Variants in SMYD3 observed in about 807,000 individuals in gnomAD.
The protein encoded by SMYD3 is histone-lysine N-methyltransferase SMYD3.
A neutral mutation model predicts 57.7 loss-of-function variants in SMYD3; 36 were observed. The ratio of observed to expected loss-of-function variants is 0.62; its 90% confidence interval spans 0.48 to 0.82. SMYD3 has a LOEUF of 0.82. SMYD3 is among the 40% of genes least tolerant of loss of function. The pLI, the probability that SMYD3 is intolerant of heterozygous loss-of-function variation, is 0.00. For synonymous variants in SMYD3, 211 were observed against 195.0 expected, an observed-to-expected ratio of 1.08 and a Z score of -0.68; for missense variants, 515 against 538.8, an observed-to-expected ratio of 0.96 and a Z score of 0.44.
At chr1:245,908,930 C>T (rs1298448897) in intron 8 of SMYD3, among the ~76,000 whole-genome samples, 1 of 151,980 alleles carries the variant, frequency 6.6e-6, no homozygotes, top group Non-Finnish European at 1.5e-5. Context: ...AATAAACCAA[C>T]ATCAAAATTA....
chr1:246,298,895 A>T (rs1287926131), intron 5 of SMYD3, among the ~76,000 whole-genome samples: 1 of 152,136 alleles, frequency 6.6e-6, no homozygotes, highest in African/African-American at 2.4e-5. Context: ...TGAAAATGAA[A>T]ATTACAAAGA....
At position 246,187,207 on chromosome 1, in the gene SMYD3, T is replaced by G. The variant is rs543744290; in HGVS notation, c.531+139994A>C. Among the ~76,000 whole-genome samples the G allele has an allele frequency of 2.0e-5, 3 of 150,550 alleles. No homozygotes were observed. In the South Asian group the frequency reaches 6.2e-4, roughly 31 times the overall value. On this transcript the variant is annotated intron_variant, in intron 5 of 11. Coordinates refer to ENST00000490107, the MANE Select transcript of SMYD3 (RefSeq NM_001167740.2). ...GGGAGGCTGAGGCAGGAGAATGGTG[T>G]GAACCCGGAGGCAGAGCCTGCATTG...
At chr1:246,425,942 G>A (rs1190420588) in intron 1 of SMYD3, 1 of 152,092 alleles carries the variant, frequency 6.6e-6, no homozygotes, top group Non-Finnish European at 1.5e-5. Context: ...TAATTGCTGA[G>A]TATTTTATCT....
chr1:246,318,931 A>G (rs1372438610), intron 5 of SMYD3, among the ~76,000 whole-genome samples: 1 of 152,250 alleles, frequency 6.6e-6, no homozygotes, highest in East Asian at 1.9e-4. Flanking sequence ...TTATTAACAC[A>G]TAAGTGAAAA....
intron 5 of SMYD3, among the ~76,000 whole-genome samples, chr1:245,999,848 A>G (rs2059005113): frequency 6.6e-6 from 1 of 152,204 alleles, no homozygotes; most frequent in Non-Finnish European, 1.5e-5. Flanking sequence ...AGGTTATAAA[A>G]TCTGCTTTAA....
chr1:246,507,004 GCACCC>G, intron 1 of SMYD3, 45 bp downstream of exon 1: 3 of 915,962 alleles, frequency 3.3e-6, no homozygotes, highest in Non-Finnish European at 2.9e-6. Flanking sequence ...CCCCTCCCCA[GCACCC>G]CACACAGCTC....
intron 1 of SMYD3, among the ~76,000 whole-genome samples, chr1:246,423,192 G>A (rs1282743899): frequency 6.6e-6 from 1 of 151,698 alleles, no homozygotes; most frequent in African/African-American, 2.4e-5. Flanking sequence ...AGCTACTCAG[G>A]AGGCTGAGGC....
chr1:246,023,881 A>G (rs1257264791), intron 5 of SMYD3, among the ~76,000 whole-genome samples: 1 of 151,020 alleles, frequency 6.6e-6, no homozygotes, highest in Non-Finnish European at 1.5e-5. Flanking sequence ...GTACACACCT[A>G]GTAGTTGTTA....
chr1:246,161,479 G>A (rs961770122), intron 5 of SMYD3, among the ~76,000 whole-genome samples: 2 of 152,098 alleles, frequency 1.3e-5, no homozygotes, highest in African/African-American at 4.8e-5. Flanking sequence ...GTTTCTCCAG[G>A]AAGCCTTCTC....
intron 5 of SMYD3, among the ~76,000 whole-genome samples, chr1:246,076,731 A>G (rs2060555880): frequency 6.6e-6 from 1 of 152,002 alleles, no homozygotes; most frequent in South Asian, 2.1e-4. Flanking sequence ...GATAGAAAAC[A>G]GAACAAAAAA....
intron 1 of SMYD3, among the ~76,000 whole-genome samples, chr1:246,435,230 C>T (rs2067353917): frequency 6.6e-6 from 1 of 152,134 alleles, no homozygotes; most frequent in Non-Finnish European, 1.5e-5. Context: ...ACCTGGGTGA[C>T]AGGATCATCC....
At chr1:246,144,458 C>T (rs2061811737) in intron 5 of SMYD3, among the ~76,000 whole-genome samples, 1 of 152,094 alleles carries the variant, frequency 6.6e-6, no homozygotes, top group Non-Finnish European at 1.5e-5. Flanking sequence ...TTAATTATAC[C>T]CTAGAAGAAA....
intron 5 of SMYD3, among the ~76,000 whole-genome samples, chr1:246,207,867 C>T (rs955742095): frequency 6.9e-5 from 10 of 144,644 alleles, no homozygotes; most frequent in African/African-American, 2.6e-4. Flanking sequence ...ACAGGAATCA[C>T]ATTAATAAGA....
At chr1:246,482,518 G>C (rs564077526) in intron 1 of SMYD3, among the ~76,000 whole-genome samples, 1 of 152,188 alleles carries the variant, frequency 6.6e-6, no homozygotes, top group South Asian at 2.1e-4. Context: ...GCCTACGTCA[G>C]GGCCAAGTTC....
intron 10 of SMYD3, among the ~76,000 whole-genome samples, chr1:245,773,120 C>A (rs563197575): frequency 9.2e-5 from 13 of 141,976 alleles, no homozygotes; most frequent in African/African-American, 3.2e-4. Flanking sequence ...AGCATGATAG[C>A]ATCAAAATGG....
At chr1:246,076,528 A>T (rs1489888939) in intron 5 of SMYD3, among the ~76,000 whole-genome samples, 2 of 152,220 alleles carry the variant, frequency 1.3e-5, no homozygotes, top group African/African-American at 2.4e-5. Context: ...ACTTAACTAT[A>T]TAGTCAATCA....
At chr1:246,391,220 T>TG (rs2066558201) in intron 1 of SMYD3, among the ~76,000 whole-genome samples, 1 of 130,500 alleles carries the variant, frequency 7.7e-6, no homozygotes, top group African/African-American at 3.2e-5. Flanking sequence ...ACTCTATATC[T>TG]GAAAAAAAAA....
chr1:246,079,746 C>T (rs924873162), intron 5 of SMYD3, among the ~76,000 whole-genome samples: 1 of 152,110 alleles, frequency 6.6e-6, no homozygotes, highest in Non-Finnish European at 1.5e-5. Flanking sequence ...AAACAAAAAC[C>T]CCACAACTAA....
intron 1 of SMYD3, among the ~76,000 whole-genome samples, chr1:246,436,380 AG>A (rs964825441): frequency 1.3e-5 from 2 of 152,284 alleles, no homozygotes; most frequent in South Asian, 4.1e-4. Flanking sequence ...GCAGTTTAAA[AG>A]GGGGGCCTAC....
Sources: allele counts gnomAD v4.1 joint callset (sites outside exome capture counted in the v4.1 genomes callset), GRCh38; gene constraint gnomAD v4.1.1; transcripts MANE v1.5; gene names NCBI Gene and HGNC (gene_info 2026-07-23, HGNC 2026-07-21).